The following CPNE8 variants were observed in gnomAD, a reference collection of about 807,000 sequenced individuals.
CPNE8 encodes the protein copine 8, also known as copine-8.
CPNE8 carries 45 observed loss-of-function variants against 81.5 expected under a neutral mutation model. The ratio of observed to expected loss-of-function variants is 0.55; its 90% CI spans 0.44 to 0.71. The LOEUF (loss-of-function observed/expected upper bound fraction) is 0.71, where lower values mean the gene tolerates loss of function less well. Among genes scored for constraint, CPNE8 ranks in the 30% least tolerant of loss-of-function variants. The pLI, the probability that CPNE8 is intolerant of heterozygous loss-of-function variation, is 0.00. For missense variants in CPNE8, 594 were observed against 672.1 expected (o/e 0.88, Z 1.28); for synonymous variants, 252 against 226.3 (o/e 1.11, Z -1.02).
intron 1 of CPNE8, among the ~76,000 whole-genome samples, chr12:38,898,364 AG>A (rs1445084023): frequency 6.6e-6 from 1 of 152,198 alleles, no homozygotes; most frequent in African/African-American, 2.4e-5. Flanking sequence ...GCCACAGTTC[AG>A]AAAGTTCCCA....
At chr12:38,676,260 C>G in intron 17 of CPNE8, 1 of 964,860 alleles carries the variant, frequency 1.0e-6, no homozygotes, top group Non-Finnish European at 1.2e-6. Context: ...ATACTTGATT[C>G]CATTCTTATC....
intron 6 of CPNE8, among the ~76,000 whole-genome samples, chr12:38,821,539 A>G (rs1371982078): frequency 1.3e-5 from 2 of 152,210 alleles, no homozygotes; most frequent in African/African-American, 2.4e-5. Flanking sequence ...AACAAGACAC[A>G]TGTCACACCA....
At chr12:38,812,627 A>G (rs1354355216) in intron 6 of CPNE8, among the ~76,000 whole-genome samples, 1 of 152,138 alleles carries the variant, frequency 6.6e-6, no homozygotes, top group Non-Finnish European at 1.5e-5. Flanking sequence ...ATGAGATTTG[A>G]CTGGGGACAT....
chr12:38,653,818 C>G lies in CPNE8; in HGVS notation c.*64G>C. 2 of 1,560,760 alleles carry G rather than the reference C, an allele frequency of 1.3e-6. No homozygotes were observed. Among genetic ancestry groups the G allele is most frequent in the African/African-American group, 2.8e-5 (2 of 72,342 alleles). The stretch of plus-strand genomic sequence containing the variant: ...TCATTGCCTGGTTCATTACAGAGCA[C>G]CAGGCACAAAGCATTAACTCAGCAC... On this transcript the variant is annotated 3_prime_UTR_variant, in exon 20 of 20. Transcript: ENST00000331366.
intron 6 of CPNE8, among the ~76,000 whole-genome samples, chr12:38,778,114 T>C (rs1187295657): frequency 6.6e-6 from 1 of 152,114 alleles, no homozygotes; most frequent in Non-Finnish European, 1.5e-5. Flanking sequence ...TTCATTATAA[T>C]ATAATAATAA....
intron 10 of CPNE8, among the ~76,000 whole-genome samples, chr12:38,731,865 C>T (rs1397127387): frequency 6.6e-6 from 1 of 151,554 alleles, no homozygotes; most frequent in Admixed American, 6.6e-5. Context: ...TTCTCTTTGA[C>T]CTTCAAAAGT....
intron 1 of CPNE8, among the ~76,000 whole-genome samples, chr12:38,878,629 A>T (rs760200427): frequency 6.6e-6 from 1 of 152,182 alleles, no homozygotes; most frequent in Non-Finnish European, 1.5e-5. Context: ...TGAATATCAC[A>T]GTTGTCTTTA....
At chr12:38,750,284 G>A (rs897275466) in intron 10 of CPNE8, among the ~76,000 whole-genome samples, 2 of 152,146 alleles carry the variant, frequency 1.3e-5, no homozygotes, top group Admixed American at 6.5e-5. Flanking sequence ...CTGCAGGGGC[G>A]GGGCCCTCAT....
At chr12:38,670,853 A>C (rs2136643631) in intron 18 of CPNE8, 51 bp from the exon 19 acceptor site, 1 of 1,316,372 alleles carries the variant, frequency 7.6e-7, no homozygotes, top group East Asian at 2.3e-5. Context: ...CCAAATACTA[A>C]AACAATGTGG....
At chr12:38,743,422 T>C (rs1316952343) in intron 10 of CPNE8, among the ~76,000 whole-genome samples, 1 of 152,116 alleles carries the variant, frequency 6.6e-6, no homozygotes, top group East Asian at 1.9e-4. Context: ...CTATATTATC[T>C]GGTTAAAACT....
intron 10 of CPNE8, among the ~76,000 whole-genome samples, chr12:38,750,681 T>A (rs1941337830): frequency 6.6e-6 from 1 of 152,252 alleles, no homozygotes; most frequent in African/African-American, 2.4e-5. Flanking sequence ...ATCCAATGCC[T>A]ATATCCCAAT....
rs369946238 is a variant in CPNE8 at position 38,687,934 on chromosome 12, G to T, written c.1144-2317C>A. 1.3e-3 allele frequency among the ~76,000 whole-genome samples: 200 copies of T among 152,242 alleles called. 3 individuals carry two copies. In the Middle Eastern group the frequency reaches 0.024, roughly 18 times the overall value. ...ATGTAAAAGATAAGTTTAATATTTA[G>T]CACAAAGCAGTTAGTGTTTTGATGT... On this transcript the variant is annotated intron_variant, in intron 15 of 19. Coordinates refer to ENST00000331366, the MANE Select transcript of CPNE8 (RefSeq NM_153634.3).
chr12:38,902,324 G>GAA, intron 1 of CPNE8, among the ~76,000 whole-genome samples: 2 of 57,852 alleles, frequency 3.5e-5, no homozygotes, highest in Admixed American at 3.7e-4. Context: ...AGGAAAGAAA[G>GAA]AAAGAAAGAA....
At chr12:38,849,169 G>T (rs1236981692) in intron 3 of CPNE8, among the ~76,000 whole-genome samples, 1 of 152,036 alleles carries the variant, frequency 6.6e-6, no homozygotes, top group African/African-American at 2.4e-5. Flanking sequence ...ACAATCAGTT[G>T]TTTCTGATTA....
chr12:38,740,667 G>A lies in CPNE8; in HGVS notation c.723-10309C>T, dbSNP rs537804143. On this transcript the variant is annotated intron_variant, in intron 10 of 19. Coordinates refer to ENST00000331366, the MANE Select transcript of CPNE8 (RefSeq NM_153634.3). ...GATAATCATGTGGTTTTTGTCTTTG[G>A]TTTTGTTTATATGCTGGATTACGTT... is the stretch of plus-strand genomic sequence containing the variant. Among the ~76,000 whole-genome samples the A allele has an allele frequency of 3.2e-4, 48 of 152,226 alleles. 1 individual carries two copies. The East Asian group carries it at 8.3e-3, about 26-fold the overall frequency.
At chr12:38,820,488 A>T (rs1943095719) in intron 6 of CPNE8, among the ~76,000 whole-genome samples, 1 of 152,178 alleles carries the variant, frequency 6.6e-6, no homozygotes. Context: ...GAACATTCTT[A>T]GTGTCACCCA....
At chr12:38,880,627 G>GTA (rs1183890363) in intron 1 of CPNE8, among the ~76,000 whole-genome samples, 2 of 152,136 alleles carry the variant, frequency 1.3e-5, no homozygotes, top group East Asian at 3.9e-4. Flanking sequence ...TTATTTGTAT[G>GTA]TATATATATT....
chr12:38,694,954 T>G (rs1028474273), intron 14 of CPNE8, among the ~76,000 whole-genome samples: 4 of 152,244 alleles, frequency 2.6e-5, no homozygotes, highest in Admixed American at 1.3e-4. Flanking sequence ...ACACATAATA[T>G]TTTTGTCCTA....
At chr12:38,676,810 A>G (rs1939300170) in intron 17 of CPNE8, among the ~76,000 whole-genome samples, 1 of 152,200 alleles carries the variant, frequency 6.6e-6, no homozygotes, top group Non-Finnish European at 1.5e-5. Flanking sequence ...TCAGGGCATC[A>G]TGTCTTCTTA....
Sources: allele counts gnomAD v4.1 joint callset (sites outside exome capture counted in the v4.1 genomes callset), GRCh38; gene constraint gnomAD v4.1.1; transcripts MANE v1.5; gene names NCBI Gene and HGNC (gene_info 2026-07-23, HGNC 2026-07-21).